The following SLC19A1 variants were observed in gnomAD, a reference collection of about 807,000 sequenced individuals.
The protein encoded by SLC19A1 is solute carrier family 19 member 1.
A neutral mutation model predicts 35.3 loss-of-function variants in SLC19A1; 37 were observed. The ratio of observed to expected loss-of-function variants is 1.05; its 90% CI spans 0.81 to 1.38. SLC19A1 has a LOEUF of 1.38. Ranked by LOEUF, SLC19A1 falls within the 40% of genes most tolerant of loss-of-function variation. The probability of loss-of-function intolerance (pLI) is 0.00; values close to 1 mark genes in which losing one functional copy is unlikely to be tolerated. For missense variants in SLC19A1, 831 were observed against 826.9 expected (o/e 1.00, Z -0.06); for synonymous variants, 460 against 398.5 (o/e 1.15, Z -1.84).
chr21:45,522,321 A>T (rs958802657), intron 5 of SLC19A1, among the ~76,000 whole-genome samples: 2 of 152,216 alleles, frequency 1.3e-5, no homozygotes, highest in African/African-American at 2.4e-5. Context: ...ACAACGGCCA[A>T]AATAAAAACT....
chr21:45,536,174 G>T, intron 2 of SLC19A1: 1 of 158,308 alleles, frequency 6.3e-6, no homozygotes, highest in South Asian at 2.0e-4. Context: ...TCCCTCTGAT[G>T]ATATCCAAGG....
At chr21:45,509,343 C>T (rs565557436), downstream of SLC19A1, 22 of 1,544,346 alleles carry the variant, frequency 1.4e-5, no homozygotes, top group East Asian at 4.9e-5. Flanking sequence ...GGCCCCACGT[C>T]TCCCACCTGC....
At chr21:45,553,472 ACATAAAATGTAC>A (rs1163007181) in intron 1 of SLC19A1, among the ~76,000 whole-genome samples, 1 of 151,816 alleles carries the variant, frequency 6.6e-6, no homozygotes, top group Non-Finnish European at 1.5e-5. Flanking sequence ...GGTAAAAGAG[ACATAAAATGTAC>A]CATGTTAACT....
intron 5 of SLC19A1, among the ~76,000 whole-genome samples, chr21:45,522,798 GAA>G: frequency 6.6e-6 from 1 of 152,274 alleles, no homozygotes; most frequent in East Asian, 1.9e-4. Context: ...TACAAGCGGA[GAA>G]GAGGGTAGTG....
At position 45,534,030 on chromosome 21, in the gene SLC19A1, A is replaced by C. The variant is rs1418848787; in HGVS notation, c.190-1882T>G. ...CCCTCATGGAGGCCAGGCTGACCCAAAGGCTGTGGTCCCAGCAGCACCAGG... is the reference window on the plus strand; with the variant it reads ...CCCTCATGGAGGCCAGGCTGACCCACAGGCTGTGGTCCCAGCAGCACCAGG... On this transcript the variant is annotated intron_variant, in intron 2 of 5. Coordinates refer to ENST00000311124, the MANE Select transcript of SLC19A1 (RefSeq NM_194255.4). The surrounding 1 kb of genome is among the most constrained non-coding windows in gnomAD (Gnocchi z 4.2). Among the ~76,000 whole-genome samples, 1 of 151,842 alleles carries C rather than the reference A, an allele frequency of 6.6e-6. No individual in the cohort carries two copies. The highest frequency in any genetic ancestry group is 1.5e-5 in the Non-Finnish European group (1 of 67,914).
chr21:45,552,980 A>G (rs1029925661), intron 1 of SLC19A1, among the ~76,000 whole-genome samples: 3 of 151,914 alleles, frequency 2.0e-5, no homozygotes, highest in African/African-American at 7.3e-5. Flanking sequence ...CCATGTGCTC[A>G]CTTTTACACA....
rs892504747 is a variant in SLC19A1, at chr21:45,512,667, T to C, written c.*2991A>G. ...CAGCTGGGTCAGGCAGGGTGCAGTA[T>C]CATGCCCTGTGCAACCTCTTGGCCT... On this transcript the variant is annotated 3_prime_UTR_variant, in exon 6 of 6. Transcript: ENST00000311124. The C allele has an allele frequency of 1.9e-6, 1 of 538,054 alleles. No homozygotes were observed. The highest frequency in any genetic ancestry group is 1.9e-5 in the African/African-American group (1 of 52,536). 33.3% of individuals were successfully genotyped at this position (538,054 alleles called of 1,614,324 possible).
intron 1 of SLC19A1, among the ~76,000 whole-genome samples, chr21:45,560,334 C>T (rs1285587274): frequency 5.3e-5 from 8 of 152,238 alleles, no homozygotes; most frequent in Admixed American, 2.6e-4. Flanking sequence ...TCAGGCAAAG[C>T]GCACTGGGTG....
chr21:45,535,715 A>C (rs563614683), intron 2 of SLC19A1, among the ~76,000 whole-genome samples: 1 of 152,160 alleles, frequency 6.6e-6, no homozygotes, highest in East Asian at 1.9e-4. Context: ...TGCAGCCATC[A>C]CCTGCAGTGG....
intron 2 of SLC19A1, among the ~76,000 whole-genome samples, chr21:45,537,236 C>T (rs964261308): frequency 5.9e-5 from 9 of 152,148 alleles, no homozygotes; most frequent in Non-Finnish European, 1.0e-4. Context: ...GTTACTAGGC[C>T]GAAGCCAGGC....
chr21:45,509,839 G>A (rs968758094), downstream of SLC19A1, among the ~76,000 whole-genome samples: 9 of 152,328 alleles, frequency 5.9e-5, no homozygotes, highest in East Asian at 1.9e-4. Context: ...GCGTACCTCC[G>A]CCTACAGCGG....
chr21:45,514,844 C>G lies in SLC19A1; in HGVS notation c.*814G>C. ...TGGGACGTACTTCCCCAGCGCCCAC[C>G]ACAAAGGCAGCCCCCCCAAGGCTGC... On this transcript the variant is annotated 3_prime_UTR_variant, in exon 6 of 6. Transcript: ENST00000311124. 1 of 656,200 alleles carries G rather than the reference C, an allele frequency of 1.5e-6. No individual in the cohort carries two copies. Among genetic ancestry groups the G allele is most frequent in the Non-Finnish European group, 2.5e-6 (1 of 407,452 alleles). 40.6% of individuals were successfully genotyped at this position (656,200 alleles called of 1,614,324 possible).
chr21:45,560,303 A>G (rs7280158), intron 1 of SLC19A1, among the ~76,000 whole-genome samples: 1,715 of 151,938 alleles, frequency 0.011, 37 homozygotes, highest in African/African-American at 0.039. Context: ...GGGACACTCC[A>G]TGTCCATCAC....
chr21:45,508,582 C>CT (rs982173463), downstream of SLC19A1, among the ~76,000 whole-genome samples: 1 of 151,886 alleles, frequency 6.6e-6, no homozygotes, highest in Non-Finnish European at 1.5e-5. Flanking sequence ...CGTCCAGCTG[C>CT]TGTCGGCCCC....
chr21:45,537,561 GGCAC>G (rs1569014218), intron 2 of SLC19A1, among the ~76,000 whole-genome samples: 1 of 94,516 alleles, frequency 1.1e-5, no homozygotes. Flanking sequence ...CCGGCACCCC[GGCAC>G]CCACGTGCCT....
intron 5 of SLC19A1, among the ~76,000 whole-genome samples, chr21:45,521,020 C>CAA (rs55910547): frequency 1.7e-5 from 2 of 115,482 alleles, no homozygotes; most frequent in Non-Finnish European, 3.8e-5. Context: ...AACTCCATCT[C>CAA]AAAAAAAAAA....
chr21:45,548,344 A>C (rs1450559945), upstream of SLC19A1, among the ~76,000 whole-genome samples: 4 of 152,260 alleles, frequency 2.6e-5, no homozygotes, highest in African/African-American at 9.6e-5. Flanking sequence ...AAAATGCCAC[A>C]CCTGGGAGGA....
chr21:45,507,309 CACCCTCCT>C, intron 3 of SLC19A1: 1 of 579,856 alleles, frequency 1.7e-6, no homozygotes, highest in Non-Finnish European at 3.1e-6. Context: ...GCAGGGAGGG[CACCCTCCT>C]GTGGGCTGGC....
rs754481174 is a variant in SLC19A1, at chr21:45,531,658, A to T, written c.680T>A (p.Leu227Gln). 13 of 1,612,196 alleles carry T rather than the reference A, an allele frequency of 8.1e-6. No homozygotes were observed. Among genetic ancestry groups the T allele is most frequent in the Middle Eastern group, 1.6e-4 (1 of 6,080 alleles). ...GCCTGGGCCAGGATTCATGCGCTCC[A>T]GCTCCGAAGCCGAGGTTTCGCACCG... ...RGRCETSASE[L>Q]ERMNPGPGGK... Residue 227 changes from leucine (L) to glutamine (Q), a missense_variant, in exon 3 of 6, where the codon CTG (leucine) becomes CAG (glutamine). Physicochemically the swap from Leu to Gln is moderately radical, Grantham distance 113. Coordinates refer to ENST00000311124, the MANE Select transcript of SLC19A1 (RefSeq NM_194255.4).
Sources: allele counts gnomAD v4.1 joint callset (sites outside exome capture counted in the v4.1 genomes callset), GRCh38; gene constraint gnomAD v4.1.1; non-coding constraint Gnocchi (gnomAD v3.1); transcripts MANE v1.5; gene names NCBI Gene and HGNC (gene_info 2026-07-23, HGNC 2026-07-21).